HYAL4: variants seen among roughly 807,000 people sequenced by gnomAD.
The protein encoded by HYAL4 is hyaluronidase-4.
A neutral mutation model predicts 35.2 loss-of-function variants in HYAL4; 37 were observed. The ratio of observed to expected loss-of-function variants is 1.05; its 90% CI spans 0.81 to 1.38. The LOEUF (loss-of-function observed/expected upper bound fraction) is 1.38. Ranked by LOEUF, HYAL4 falls within the 40% of genes most tolerant of loss-of-function variation. The pLI is 0.00. For synonymous variants in HYAL4, 198 were observed against 203.2 expected (o/e 0.97, Z 0.22); for missense variants, 572 against 572.4 (o/e 1.00, Z 0.01).
chr7:123,856,662 T>TG (rs1806444782), intron 2 of HYAL4, among the ~76,000 whole-genome samples: 1 of 151,946 alleles, frequency 6.6e-6, no homozygotes, highest in South Asian at 2.1e-4. Flanking sequence ...GGCATGGGGG[T>TG]GAGGGACCCA....
chr7:123,860,485 G>A (rs1358917194), intron 2 of HYAL4, among the ~76,000 whole-genome samples: 1 of 152,114 alleles, frequency 6.6e-6, no homozygotes, highest in Non-Finnish European at 1.5e-5. Flanking sequence ...TGTAGCTTGT[G>A]TACAGACACA....
In HYAL4 at chr7:123,869,075, C is replaced by T; in HGVS notation, c.802C>T (p.Leu268Phe). The change falls in exon 3 of 5, where the codon CTT becomes TTT. Residue 268 changes from leucine to phenylalanine, a missense_variant. Coordinates refer to ENST00000223026, the MANE Select transcript of HYAL4 (RefSeq NM_012269.3). ...TCCTTCTATCGGTGTCTGGAAATCC[C>T]TTGGAGACAGTGAAAACATTTTGCG... is the stretch of plus-strand genomic sequence containing the variant. ...LYPSIGVWKSLGDSENILRFS... is the reference protein window; with the variant it reads ...LYPSIGVWKSFGDSENILRFS... 1 of 1,614,184 alleles carries T rather than the reference C, an allele frequency of 6.2e-7. No homozygotes were observed. The highest frequency in any genetic ancestry group is 8.5e-7 in the Non-Finnish European group (1 of 1,180,034).
At position 123,868,766 on chromosome 7, in the gene HYAL4, C is replaced by A. The variant is rs965576294; in HGVS notation, c.493C>A (p.Gln165Lys). 6.2e-7 allele frequency: 1 copy of A among 1,614,050 alleles called. No homozygotes were observed. The highest frequency in any genetic ancestry group is 8.5e-7 in the Non-Finnish European group (1 of 1,180,004). ...RNWNSKDVYRQKSRKLISDMG... is the reference protein window; with the variant it reads ...RNWNSKDVYRKKSRKLISDMG... ...CTGGAACTCAAAAGATGTTTACAGA[C>A]AGAAGTCAAGAAAGCTTATTTCCGA... The change falls in exon 3 of 5, where the codon CAG becomes AAG. Residue 165 changes from glutamine to lysine, a missense_variant. Gln to Lys is a moderately conservative substitution (Grantham distance 53). Transcript: ENST00000223026.
At chr7:123,801,877 C>T in the HYAL4 span, among the ~76,000 whole-genome samples, 1 of 152,224 alleles carries the variant, frequency 6.6e-6, no homozygotes, top group African/African-American at 2.4e-5. Context: ...AATTGTGATT[C>T]TCCCCAGCAA....
At chr7:123,856,505 C>T (rs936092028) in intron 2 of HYAL4, among the ~76,000 whole-genome samples, 6 of 152,178 alleles carry the variant, frequency 3.9e-5, no homozygotes, top group African/African-American at 1.4e-4. Context: ...ACCCTGTTTG[C>T]CTGGTATCAC....
chr7:123,871,178 A>T (rs1016078777), intron 3 of HYAL4, among the ~76,000 whole-genome samples: 1 of 151,754 alleles, frequency 6.6e-6, no homozygotes, highest in African/African-American at 2.4e-5. Context: ...TATTGACTTT[A>T]AAAATCTGCC....
the HYAL4 span, among the ~76,000 whole-genome samples, chr7:123,773,079 G>A: frequency 6.6e-6 from 1 of 151,966 alleles, no homozygotes; most frequent in Non-Finnish European, 1.5e-5. Context: ...TTTTTCTGAT[G>A]GTTTAAGTCT....
At chr7:123,859,562 C>G (rs568692327) in intron 2 of HYAL4, among the ~76,000 whole-genome samples, 1 of 152,062 alleles carries the variant, frequency 6.6e-6, no homozygotes, top group East Asian at 1.9e-4. Context: ...GTGTTCATTT[C>G]CATTAAAAAA....
In HYAL4 at chr7:123,845,220, T is replaced by G. The variant is rs969813669; in HGVS notation, c.-587T>G. 1 of 143,370 alleles carries G rather than the reference T, an allele frequency of 7.0e-6. No individual in the cohort carries two copies. Among genetic ancestry groups the G allele is most frequent in the Non-Finnish European group, 1.5e-5 (1 of 65,486 alleles). The allele number at this position is 143,370 out of a possible 1,614,324, so 8.9% of individuals were successfully genotyped here. On this transcript the variant is annotated 5_prime_UTR_variant, in exon 1 of 5. Transcript: ENST00000223026. ...TCTTTTCCTTTTTTTTTTTTTTTTT[T>G]TTTTTTGAGATGAAGTCTTACTCTG...
At chr7:123,869,830 G>C (rs1806824067) in intron 3 of HYAL4, among the ~76,000 whole-genome samples, 1 of 145,206 alleles carries the variant, frequency 6.9e-6, no homozygotes. Flanking sequence ...TGGGTTTACA[G>C]GTGCTCACCC....
chr7:123,813,103 T>C, the HYAL4 span, among the ~76,000 whole-genome samples: 2 of 152,168 alleles, frequency 1.3e-5, no homozygotes, highest in South Asian at 2.1e-4. Context: ...GTTGGTGTCT[T>C]TCCTGAATTT....
At chr7:123,862,067 A>T (rs1188276537) in intron 2 of HYAL4, among the ~76,000 whole-genome samples, 1 of 152,224 alleles carries the variant, frequency 6.6e-6, no homozygotes, top group African/African-American at 2.4e-5. Context: ...AGAGAAAAAA[A>T]TAGATGCCTA....
chr7:123,799,277 G>T, the HYAL4 span, among the ~76,000 whole-genome samples: 1 of 151,268 alleles, frequency 6.6e-6, no homozygotes. Context: ...TAATTTTCTG[G>T]TTAAAATACA....
chr7:123,776,447 ACT>A, the HYAL4 span, among the ~76,000 whole-genome samples: 5 of 152,114 alleles, frequency 3.3e-5, no homozygotes, highest in African/African-American at 4.8e-5. Flanking sequence ...ATGGGGAATC[ACT>A]CTGTTGCACA....
At chr7:123,790,083 G>A in the HYAL4 span, among the ~76,000 whole-genome samples, 1 of 152,134 alleles carries the variant, frequency 6.6e-6, no homozygotes, top group Admixed American at 6.5e-5. Context: ...TGAGGCGGGG[G>A]AAACCTCAGT....
intron 3 of HYAL4, among the ~76,000 whole-genome samples, chr7:123,873,100 T>C (rs1806923902): frequency 6.6e-6 from 1 of 152,112 alleles, no homozygotes; most frequent in African/African-American, 2.4e-5. Context: ...GGAGTTCTGC[T>C]CCCTTATGTC....
the HYAL4 span, among the ~76,000 whole-genome samples, chr7:123,770,883 A>G: frequency 6.6e-6 from 1 of 152,190 alleles, no homozygotes; most frequent in Non-Finnish European, 1.5e-5. Flanking sequence ...GAAAGGCAAA[A>G]AGAAGATATG....
At chr7:123,807,932 T>G in the HYAL4 span, among the ~76,000 whole-genome samples, 4 of 146,244 alleles carry the variant, frequency 2.7e-5, no homozygotes, top group African/African-American at 1.0e-4. Flanking sequence ...TTATTATTAT[T>G]ATTATTATTA....
the HYAL4 span, among the ~76,000 whole-genome samples, chr7:123,782,300 C>G: frequency 6.6e-6 from 1 of 152,072 alleles, no homozygotes; most frequent in Non-Finnish European, 1.5e-5. Flanking sequence ...TTATTCTTCC[C>G]CAACCATACA....
Sources: gnomAD v4.1 joint callset for allele counts (sites outside exome capture counted in the v4.1 genomes callset) on GRCh38, gnomAD v4.1.1 for gene constraint, MANE v1.5 for transcripts, NCBI Gene and HGNC (gene_info 2026-07-23, HGNC 2026-07-21) for gene names.